Variants in SCLT1 observed in about 807,000 individuals in gnomAD.
The protein encoded by SCLT1 is sodium channel-associated protein 1.
In SCLT1, 78 loss-of-function variants were observed where a neutral mutation model predicts 112.8. The ratio of observed to expected loss-of-function variants is 0.69; its 90% CI spans 0.58 to 0.83. The LOEUF (loss-of-function observed/expected upper bound fraction) is 0.83. Ranked by LOEUF, SCLT1 falls within the 40% of genes least tolerant of loss-of-function variation. SCLT1 has a pLI of 0.00. For missense variants in SCLT1, 747 were observed against 770.4 expected, an observed-to-expected ratio of 0.97 and a Z score of 0.36; for synonymous variants, 257 against 254.7, an observed-to-expected ratio of 1.01 and a Z score of -0.09.
intron 16 of SCLT1, 57 bp downstream of exon 16, chr4:128,945,950 C>CA (rs1738119580): frequency 1.5e-5 from 19 of 1,297,714 alleles, no homozygotes; most frequent in Non-Finnish European, 1.9e-5. Context: ...GCGAATCTGT[C>CA]AAAAATTGTG....
intron 2 of SCLT1, among the ~76,000 whole-genome samples, chr4:129,059,782 T>G (rs1353600144): frequency 6.6e-6 from 1 of 152,204 alleles, no homozygotes; most frequent in African/African-American, 2.4e-5. Context: ...GAATTTTCTC[T>G]TTGTCTTTGA....
At chr4:129,006,063 G>T (rs1343943323) in intron 5 of SCLT1, among the ~76,000 whole-genome samples, 1 of 149,776 alleles carries the variant, frequency 6.7e-6, no homozygotes, top group Admixed American at 6.6e-5. Context: ...TATACCTAAT[G>T]CTAAATGACA....
chr4:128,948,094 G>A (rs181208066), intron 15 of SCLT1, among the ~76,000 whole-genome samples: 1 of 152,076 alleles, frequency 6.6e-6, no homozygotes, highest in Non-Finnish European at 1.5e-5. Flanking sequence ...TAAGAAAAGT[G>A]TGAGGCTGAG....
At chr4:129,070,838 G>A (rs1441125808) in intron 2 of SCLT1, among the ~76,000 whole-genome samples, 9 of 151,882 alleles carry the variant, frequency 5.9e-5, no homozygotes, top group Non-Finnish European at 1.3e-4. Flanking sequence ...TTGTTCTTGT[G>A]TCTCTAGTCC....
At chr4:128,933,682 C>T (rs976343142) in intron 18 of SCLT1, among the ~76,000 whole-genome samples, 1 of 152,102 alleles carries the variant, frequency 6.6e-6, no homozygotes, top group Non-Finnish European at 1.5e-5. Context: ...CTAGAGAATA[C>T]ACGTTCTTAA....
intron 15 of SCLT1, among the ~76,000 whole-genome samples, chr4:128,947,335 A>G (rs1350404571): frequency 6.6e-6 from 1 of 152,200 alleles, no homozygotes; most frequent in Non-Finnish European, 1.5e-5. Context: ...TTGTACGCAG[A>G]TGGAAACTCA....
At chr4:129,041,443 A>T (rs966845128) in intron 4 of SCLT1, among the ~76,000 whole-genome samples, 4 of 152,214 alleles carry the variant, frequency 2.6e-5, no homozygotes, top group Non-Finnish European at 5.9e-5. Context: ...GAAAGAACCT[A>T]ATTTTATTTT....
At chr4:128,995,960 G>T (rs1336878765) in intron 8 of SCLT1, among the ~76,000 whole-genome samples, 1 of 152,026 alleles carries the variant, frequency 6.6e-6, no homozygotes, top group Non-Finnish European at 1.5e-5. Context: ...ATTCTCCCTT[G>T]GTTGGCCAGA....
chr4:128,986,130 C>A (rs1742070662), intron 9 of SCLT1, among the ~76,000 whole-genome samples: 1 of 152,148 alleles, frequency 6.6e-6, no homozygotes, highest in South Asian at 2.1e-4. Context: ...GCCCCCAGCC[C>A]CAGGCAGTGC....
At chr4:129,020,035 A>C (rs1745326995) in intron 5 of SCLT1, among the ~76,000 whole-genome samples, 1 of 152,156 alleles carries the variant, frequency 6.6e-6, no homozygotes, top group Admixed American at 6.5e-5. Flanking sequence ...ATTTTATATC[A>C]TCTGGTCCCT....
intron 9 of SCLT1, among the ~76,000 whole-genome samples, chr4:128,980,781 T>G (rs769334878): frequency 5.3e-5 from 8 of 152,198 alleles, no homozygotes; most frequent in African/African-American, 1.9e-4. Context: ...TATATTAAAA[T>G]GATTTTTTTT....
chr4:129,009,506 T>C (rs1001653154), intron 5 of SCLT1, among the ~76,000 whole-genome samples: 4 of 148,536 alleles, frequency 2.7e-5, no homozygotes, highest in Admixed American at 2.7e-4. Context: ...AGAGTGAGAC[T>C]CTGTCTCAAA....
intron 5 of SCLT1, among the ~76,000 whole-genome samples, chr4:129,017,303 AAT>A (rs1745078999): frequency 6.6e-6 from 1 of 152,228 alleles, no homozygotes. Context: ...CCTGTTGGTT[AAT>A]ATATGAGTGT....
intron 18 of SCLT1, among the ~76,000 whole-genome samples, chr4:128,922,842 A>G (rs1735986075): frequency 6.6e-6 from 1 of 152,150 alleles, no homozygotes; most frequent in African/African-American, 2.4e-5. Context: ...TACAACAGCA[A>G]ATTGAACATT....
intron 18 of SCLT1, among the ~76,000 whole-genome samples, chr4:128,924,337 G>A (rs938880211): frequency 2.0e-5 from 3 of 151,900 alleles, no homozygotes; most frequent in Admixed American, 2.0e-4. Context: ...GAGTGCAGTA[G>A]CACAATCTTG....
chr4:129,035,934 G>T lies in SCLT1; in HGVS notation c.290+3107C>A, dbSNP rs144651213. Among the ~76,000 whole-genome samples, 68 of 151,702 alleles carry T rather than the reference G, an allele frequency of 4.5e-4. 1 individual carries two copies. Among genetic ancestry groups the T allele is most frequent in the African/African-American group, 1.6e-3 (65 of 41,420 alleles). ...AGTAAATTCTCAGATAGTATACTCTGATATGTAAATGTAAGTATTAAAATT... is the reference window on the plus strand; with the variant it reads ...AGTAAATTCTCAGATAGTATACTCTTATATGTAAATGTAAGTATTAAAATT... On this transcript the variant is annotated intron_variant, in intron 5 of 20. Transcript: ENST00000281142.
intron 5 of SCLT1, among the ~76,000 whole-genome samples, chr4:129,027,288 T>C (rs1459237557): frequency 6.6e-6 from 1 of 152,094 alleles, no homozygotes; most frequent in Non-Finnish European, 1.5e-5. Context: ...TGAACACTGA[T>C]GCAAAAATCC....
intron 1 of SCLT1, 105 bp from the exon 2 acceptor site, chr4:129,082,478 C>T: frequency 1.9e-6 from 1 of 520,112 alleles, no homozygotes; most frequent in South Asian, 4.1e-5. Context: ...AACGGCTAGT[C>T]TTCACTGCTT....
chr4:129,028,513 T>C (rs1746355062), intron 5 of SCLT1, among the ~76,000 whole-genome samples: 1 of 152,044 alleles, frequency 6.6e-6, no homozygotes, highest in Non-Finnish European at 1.5e-5. Flanking sequence ...TTACACCTTA[T>C]ACAAAAATTA....
Sources: allele counts gnomAD v4.1 joint callset (sites outside exome capture counted in the v4.1 genomes callset), GRCh38; gene constraint gnomAD v4.1.1; transcripts MANE v1.5; gene names NCBI Gene and HGNC (gene_info 2026-07-23, HGNC 2026-07-21).